Variants in EIF3L observed in about 807,000 individuals in gnomAD.
The protein encoded by EIF3L is eIEF associated protein HSPC021.
Under a neutral mutation model 74.6 loss-of-function variants are expected in EIF3L, and 32 were observed. That is an observed-to-expected ratio of 0.43 (90% confidence interval 0.32 to 0.58). EIF3L has a LOEUF of 0.58. Ranked by LOEUF, EIF3L falls within the 20% of genes least tolerant of loss-of-function variation. The pLI is 0.06. For synonymous variants in EIF3L, 256 were observed against 254.4 expected, an observed-to-expected ratio of 1.01 and a Z score of -0.06; for missense variants, 474 against 707.8, an observed-to-expected ratio of 0.67 and a Z score of 3.75.
chr22:37,888,703 C>G lies in EIF3L; in HGVS notation c.*239C>G. 5.6e-6 allele frequency: 3 copies of G among 537,086 alleles called. No individual in the cohort carries two copies. The East Asian group carries it at 9.2e-5, about 16-fold the overall frequency. The allele number at this position is 537,086 out of a possible 1,614,324, so 33.3% of individuals were successfully genotyped here. The stretch of plus-strand genomic sequence containing the variant: ...AATACATTTCCCATGTGTCCTGATG[C>G]TTTCAGGATACATCAGTTGTTAGTG... On this transcript the variant is annotated 3_prime_UTR_variant, in exon 13 of 13. Coordinates refer to ENST00000652021, the MANE Select transcript of EIF3L (RefSeq NM_016091.4).
chr22:37,870,318 A>G lies in EIF3L; in HGVS notation c.722A>G (p.Asn241Ser). ...LHSLVDKSNI[N>S]RQLEVYTSGG... is the part of the protein sequence containing the mutation. ...TCCCTGGTAGACAAATCCAACATCA[A>G]CCGACAGTTGGAGGTATACACAAGC... The change falls in exon 8 of 13, where the codon AAC becomes AGC. Residue 241 changes from asparagine to serine, a missense_variant. Physicochemically the swap from Asn to Ser is conservative, Grantham distance 46 (BLOSUM62 1). Coordinates refer to ENST00000652021, the MANE Select transcript of EIF3L (RefSeq NM_016091.4). 2 of 1,612,436 alleles carry G rather than the reference A, an allele frequency of 1.2e-6. No individual in the cohort carries two copies. Among genetic ancestry groups the G allele is most frequent in the Non-Finnish European group, 1.7e-6 (2 of 1,178,966 alleles).
chr22:37,855,031 G>A (rs1402167993), intron 3 of EIF3L, among the ~76,000 whole-genome samples: 4 of 152,208 alleles, frequency 2.6e-5, no homozygotes, highest in Non-Finnish European at 4.4e-5. Flanking sequence ...GAGGAGATTG[G>A]AGGAAAGTAT....
chr22:37,875,109 C>T (rs1387773311), intron 9 of EIF3L, among the ~76,000 whole-genome samples: 3 of 151,026 alleles, frequency 2.0e-5, no homozygotes, highest in Non-Finnish European at 3.0e-5. Context: ...TGGCTCACAC[C>T]TGTAATCCCA....
At position 37,877,758 on chromosome 22, in the gene EIF3L, C is replaced by A; in HGVS notation, c.1162C>A (p.Leu388Ile). Residue 388 changes from leucine to isoleucine, a missense_variant, in exon 11 of 13, where the codon CTC becomes ATC. Physicochemically the swap from Leu to Ile is conservative, Grantham distance 5 (BLOSUM62 2). Transcript: ENST00000652021. The part of the protein sequence containing the change: ...YPMRIDESIH[L>I]QLREKYGDKM... ...CATGCGTATTGATGAGAGCATTCAC[C>A]TCCAGCTGCGGGAGAAATATGGGGA... The A allele has an allele frequency of 6.2e-7, 1 of 1,613,880 alleles. No homozygotes were observed. The highest frequency in any genetic ancestry group is 8.5e-7 in the Non-Finnish European group (1 of 1,179,872).
At chr22:37,868,659 T>TTTTTTTGG (rs1926307359) in intron 7 of EIF3L, among the ~76,000 whole-genome samples, 1 of 114,394 alleles carries the variant, frequency 8.7e-6, no homozygotes, top group African/African-American at 4.4e-5. Context: ...TTTTTTTTTT[T>TTTTTTTGG]GAGACGGAGT....
chr22:37,883,193 G>T (rs1927142038), intron 11 of EIF3L: 1 of 151,952 alleles, frequency 6.6e-6, no homozygotes, highest in Admixed American at 6.6e-5. Flanking sequence ...CTACTCCGGA[G>T]GCTGAGGCAG....
At position 37,886,863 on chromosome 22, in the gene EIF3L, A is replaced by C. The variant is rs772001611; in HGVS notation, c.1656+18A>C. 2.5e-6 allele frequency: 4 copies of C among 1,599,782 alleles called. No individual in the cohort carries two copies. Among genetic ancestry groups the C allele is most frequent in the African/African-American group, 1.3e-5 (1 of 74,564 alleles). On this transcript the variant is annotated intron_variant, in intron 12 of 12. Transcript: ENST00000652021. ...TTGAGGAGGTGAGAGATCTGAGAGAAGAGGGGTTTGTTGGCTCAGGACAGA... is the reference window on the plus strand; with the variant it reads ...TTGAGGAGGTGAGAGATCTGAGAGACGAGGGGTTTGTTGGCTCAGGACAGA...
chr22:37,874,880 C>T (rs943688211), intron 9 of EIF3L, among the ~76,000 whole-genome samples: 5 of 150,950 alleles, frequency 3.3e-5, no homozygotes, highest in Admixed American at 1.3e-4. Context: ...AGGCATGCGC[C>T]ACCATGCCCA....
chr22:37,858,584 C>G, intron 4 of EIF3L, 95 bp from the exon 5 acceptor site: 1 of 1,122,392 alleles, frequency 8.9e-7, no homozygotes, highest in Non-Finnish European at 1.3e-6. Context: ...GTTTAGTCTT[C>G]AGAATTACCT....
intron 10 of EIF3L, chr22:37,876,990 A>G (rs1926787322): frequency 6.6e-6 from 1 of 152,238 alleles, no homozygotes; most frequent in African/African-American, 2.4e-5. Context: ...TAACCCAGGT[A>G]AAGTATAGTC....
At chr22:37,858,893 G>A (rs1307975563) in intron 5 of EIF3L, among the ~76,000 whole-genome samples, 153 bp downstream of exon 5, 1 of 152,058 alleles carries the variant, frequency 6.6e-6, no homozygotes, top group African/African-American at 2.4e-5. Flanking sequence ...GGAAGGAACA[G>A]TTTAACCCAG....
In EIF3L at chr22:37,877,778, T is replaced by C. The variant is rs762386332; in HGVS notation, c.1182T>C (p.Tyr394=). The change falls in exon 11 of 13, where the codon TAT becomes TAC. Residue 394 remains tyrosine (Y), a synonymous_variant. Coordinates refer to ENST00000652021, the MANE Select transcript of EIF3L (RefSeq NM_016091.4). The stretch of plus-strand genomic sequence containing the variant: ...TTCACCTCCAGCTGCGGGAGAAATA[T>C]GGGGACAAGATGTTGCGCATGCAGA... The part of the protein sequence containing the change: ...ESIHLQLREK[Y]GDKMLRMQKG... 40 of 1,613,702 alleles carry C rather than the reference T, an allele frequency of 2.5e-5. No individual in the cohort carries two copies. Among genetic ancestry groups the C allele is most frequent in the Non-Finnish European group, 2.6e-5 (31 of 1,179,858 alleles).
chr22:37,884,647 A>G (rs1438002556), intron 11 of EIF3L: 2 of 152,116 alleles, frequency 1.3e-5, no homozygotes, highest in African/African-American at 2.4e-5. Context: ...TTATAAATCA[A>G]AGAAAACTGA....
Position 37,849,463 on chromosome 22 carries a change from C to T in EIF3L, c.14C>T (p.Ala5Val). 1.2e-6 allele frequency: 2 copies of T among 1,612,084 alleles called. No individual in the cohort carries two copies. The highest frequency in any genetic ancestry group is 1.7e-6 in the Non-Finnish European group (2 of 1,178,862). The part of the protein sequence containing the change: MSYP[A>V]DDYESEAAYD... The stretch of plus-strand genomic sequence containing the variant: ...AGCGAGGCAGCCATGTCTTATCCCG[C>T]TGATGATTATGAGTCTGAGGTAAGG... The change falls in exon 1 of 13, where the codon GCT (alanine) becomes GTT (valine). Residue 5 changes from alanine to valine, a missense_variant. Ala to Val is a moderately conservative substitution (Grantham distance 64). Coordinates refer to ENST00000652021, the MANE Select transcript of EIF3L (RefSeq NM_016091.4).
intron 7 of EIF3L, among the ~76,000 whole-genome samples, chr22:37,863,882 G>T (rs572482472): frequency 1.3e-5 from 2 of 151,932 alleles, no homozygotes; most frequent in African/African-American, 4.8e-5. Context: ...TGGCTAACAC[G>T]GTGAAACCCC....
chr22:37,886,867 G>T, intron 12 of EIF3L, 22 bp downstream of exon 12: 1 of 1,587,894 alleles, frequency 6.3e-7, no homozygotes, highest in East Asian at 2.3e-5. Flanking sequence ...GAGAGAAGAG[G>T]GGTTTGTTGG....
chr22:37,884,720 C>CCTTA (rs1927228583), intron 11 of EIF3L: 1 of 152,032 alleles, frequency 6.6e-6, no homozygotes, highest in African/African-American at 2.4e-5. Flanking sequence ...ATAGCCCCTG[C>CCTTA]CTTAGGACGC....
chr22:37,862,299 C>G (rs766975864), intron 5 of EIF3L, among the ~76,000 whole-genome samples: 1 of 152,182 alleles, frequency 6.6e-6, no homozygotes, highest in Non-Finnish European at 1.5e-5. Flanking sequence ...TTCCCCAGCT[C>G]AGAAACTATC....
chr22:37,855,772 T>C (rs1925470643), intron 4 of EIF3L, 128 bp downstream of exon 4: 2 of 702,376 alleles, frequency 2.8e-6, no homozygotes, highest in Non-Finnish European at 4.7e-6. Context: ...TGGTATGTAG[T>C]AGGTCCTTGG....
Sources: gnomAD v4.1 joint callset for allele counts (sites outside exome capture counted in the v4.1 genomes callset) on GRCh38, gnomAD v4.1.1 for gene constraint, MANE v1.5 for transcripts, NCBI Gene and HGNC (gene_info 2026-07-23, HGNC 2026-07-21) for gene names.